The following SKAP1 variants were observed in gnomAD, a reference collection of about 807,000 sequenced individuals.
SKAP1 encodes the protein src kinase associated phosphoprotein 1.
A neutral mutation model predicts 58.5 loss-of-function variants in SKAP1; 44 were observed. That is an observed-to-expected ratio of 0.75 (90% CI 0.59 to 0.97). SKAP1 has a LOEUF of 0.97. SKAP1 is among the 50% of genes least tolerant of loss of function. The pLI, the probability that SKAP1 is intolerant of heterozygous loss-of-function variation, is 0.00. For synonymous variants in SKAP1, 127 were observed against 149.7 expected (o/e 0.85, Z 1.11); for missense variants, 390 against 435.2 (o/e 0.90, Z 0.92).
At chr17:48,330,529 G>C (rs1035815145) in intron 4 of SKAP1, among the ~76,000 whole-genome samples, 24 of 152,348 alleles carry the variant, frequency 1.6e-4, no homozygotes, top group African/African-American at 5.1e-4. Context: ...CAAACCACCA[G>C]AGGTTAAACA....
chr17:48,235,836 A>C (rs886096600), intron 4 of SKAP1, among the ~76,000 whole-genome samples: 3 of 152,164 alleles, frequency 2.0e-5, no homozygotes, highest in Admixed American at 2.0e-4. Context: ...TGCTTTACTC[A>C]TCAGGAGCCT....
chr17:48,404,254 A>C (rs1172644118), intron 1 of SKAP1, among the ~76,000 whole-genome samples: 1 of 152,050 alleles, frequency 6.6e-6, no homozygotes, highest in African/African-American at 2.4e-5. Flanking sequence ...GGAGTTCAAG[A>C]CCAGCCTGAC....
At chr17:48,416,198 A>T (rs2067729513) in intron 1 of SKAP1, among the ~76,000 whole-genome samples, 1 of 137,824 alleles carries the variant, frequency 7.3e-6, no homozygotes, top group Non-Finnish European at 1.6e-5. Flanking sequence ...TTAAATTTTC[A>T]ATGATACCTG....
intron 4 of SKAP1, among the ~76,000 whole-genome samples, chr17:48,341,183 C>T (rs1298548934): frequency 6.6e-6 from 1 of 152,116 alleles, no homozygotes; most frequent in Non-Finnish European, 1.5e-5. Flanking sequence ...TAAATGGTTC[C>T]TATTACTAGA....
intron 2 of SKAP1, among the ~76,000 whole-genome samples, chr17:48,391,092 CT>C (rs1567895645): frequency 1.3e-5 from 2 of 152,008 alleles, no homozygotes; most frequent in African/African-American, 2.4e-5. Context: ...AACTAACTAA[CT>C]AACAACAACA....
At chr17:48,180,896 A>G (rs182194526) in intron 8 of SKAP1, among the ~76,000 whole-genome samples, 4 of 152,328 alleles carry the variant, frequency 2.6e-5, no homozygotes, top group Admixed American at 6.5e-5. Flanking sequence ...AAAGTGGGTC[A>G]CTGCATAGAA....
intron 1 of SKAP1, among the ~76,000 whole-genome samples, chr17:48,398,518 C>T (rs1463532621): frequency 1.3e-5 from 2 of 152,064 alleles, no homozygotes; most frequent in South Asian, 2.1e-4. Flanking sequence ...CTTTAATCAT[C>T]GCCAAACCAT....
chr17:48,178,094 G>C (rs527444546), intron 9 of SKAP1, among the ~76,000 whole-genome samples: 10 of 152,242 alleles, frequency 6.6e-5, no homozygotes, highest in African/African-American at 2.4e-4. Context: ...GCCAAGGGGA[G>C]GAGTTTAGGA....
chr17:48,243,216 C>T (rs2065260261), intron 4 of SKAP1, among the ~76,000 whole-genome samples: 1 of 152,146 alleles, frequency 6.6e-6, no homozygotes, highest in African/African-American at 2.4e-5. Flanking sequence ...GTGGAATTCT[C>T]TGGTGAAAAA....
chr17:48,176,395 T>C (rs1214005147), intron 9 of SKAP1, among the ~76,000 whole-genome samples: 1 of 152,216 alleles, frequency 6.6e-6, no homozygotes, highest in Non-Finnish European at 1.5e-5. Flanking sequence ...GTTGTCCTTT[T>C]ATGGAATCTT....
intron 4 of SKAP1, among the ~76,000 whole-genome samples, chr17:48,190,376 T>A: frequency 6.6e-6 from 1 of 152,162 alleles, no homozygotes; most frequent in Non-Finnish European, 1.5e-5. Flanking sequence ...CCTCCCAAAG[T>A]GCTGGGATTA....
intron 9 of SKAP1, among the ~76,000 whole-genome samples, chr17:48,172,574 T>C (rs1014311589): frequency 6.6e-6 from 1 of 152,210 alleles, no homozygotes; most frequent in Admixed American, 6.5e-5. Context: ...TACACACATA[T>C]GCACAGTAGA....
At chr17:48,163,057 AG>A (rs1276144750) in intron 10 of SKAP1, among the ~76,000 whole-genome samples, 10 of 152,208 alleles carry the variant, frequency 6.6e-5, no homozygotes, top group Admixed American at 6.5e-4. Flanking sequence ...CTTTGTCCAT[AG>A]GAACTTTGTC....
intron 3 of SKAP1, among the ~76,000 whole-genome samples, chr17:48,351,858 G>A (rs1691173124): frequency 1.3e-5 from 2 of 152,042 alleles, no homozygotes; most frequent in Admixed American, 1.3e-4. Flanking sequence ...AACCGAAAGG[G>A]CAGCATAGCT....
intron 4 of SKAP1, among the ~76,000 whole-genome samples, chr17:48,286,049 C>A (rs1435965118): frequency 6.6e-6 from 1 of 152,194 alleles, no homozygotes; most frequent in Non-Finnish European, 1.5e-5. Flanking sequence ...ATGATTGCAA[C>A]AGTAATTTCT....
intron 2 of SKAP1, among the ~76,000 whole-genome samples, chr17:48,388,215 C>T (rs992133019): frequency 6.6e-6 from 1 of 152,068 alleles, no homozygotes; most frequent in African/African-American, 2.4e-5. Flanking sequence ...GCAGGCGGAT[C>T]ATGAGGTCAG....
intron 2 of SKAP1, among the ~76,000 whole-genome samples, chr17:48,381,099 G>C (rs112142905): frequency 6.6e-6 from 1 of 152,116 alleles, no homozygotes. Context: ...GGCAACCTTT[G>C]ACATTCTTAT....
intron 11 of SKAP1, among the ~76,000 whole-genome samples, chr17:48,150,824 A>G (rs1598368036): frequency 6.6e-6 from 1 of 152,242 alleles, no homozygotes; most frequent in Non-Finnish European, 1.5e-5. Flanking sequence ...ATGTGGGAAC[A>G]GGCACAGAGA....
chr17:48,147,613 A>C (rs1047256209), intron 11 of SKAP1, among the ~76,000 whole-genome samples: 1 of 152,140 alleles, frequency 6.6e-6, no homozygotes, highest in Admixed American at 6.5e-5. Flanking sequence ...GATTTTCCAG[A>C]AGGAGAAAGG....
Sources: gnomAD v4.1 joint callset for allele counts (sites outside exome capture counted in the v4.1 genomes callset) on GRCh38, gnomAD v4.1.1 for gene constraint, MANE v1.5 for transcripts, NCBI Gene and HGNC (gene_info 2026-07-23, HGNC 2026-07-21) for gene names.